NKAIN2: variants seen among roughly 807,000 people sequenced by gnomAD.
NKAIN2 encodes the protein sodium/potassium transporting ATPase interacting 2.
Under a neutral mutation model 32.6 loss-of-function variants are expected in NKAIN2, and 14 were observed. The observed-to-expected ratio is 0.43, with a 90% confidence interval of 0.28 to 0.67. The LOEUF is 0.67. Ranked by LOEUF, NKAIN2 falls within the 30% of genes least tolerant of loss-of-function variation. NKAIN2 has a pLI of 0.17. For missense variants in NKAIN2, 198 were observed against 258.3 expected (o/e 0.77, Z 1.60); for synonymous variants, 80 against 87.2 (o/e 0.92, Z 0.46).
At chr6:124,807,735 A>C (rs200297397) in intron 5 of NKAIN2, among the ~76,000 whole-genome samples, 10 of 151,886 alleles carry the variant, frequency 6.6e-5, no homozygotes, top group Non-Finnish European at 1.5e-4. Context: ...AAATTGATAG[A>C]CCGCTAGCAA....
intron 3 of NKAIN2, among the ~76,000 whole-genome samples, chr6:124,418,642 A>G (rs571046619): frequency 1.2e-4 from 18 of 149,808 alleles, no homozygotes; most frequent in African/African-American, 3.7e-4. Context: ...AACTAGAACT[A>G]TCACGTAGTG....
At chr6:124,435,584 C>T (rs962896777) in intron 3 of NKAIN2, among the ~76,000 whole-genome samples, 5 of 152,126 alleles carry the variant, frequency 3.3e-5, no homozygotes, top group African/African-American at 1.2e-4. Context: ...CACAGTCTCA[C>T]AGCTAGTAAG....
In NKAIN2 at chr6:124,496,703, G is replaced by T. The variant is rs140107456; in HGVS notation, c.273+141356G>T. Among the ~76,000 whole-genome samples the T allele has an allele frequency of 1.2e-3, 184 of 152,256 alleles. 3 individuals are homozygous for T. The highest frequency in any genetic ancestry group is 1.9e-3 in the Non-Finnish European group (132 of 68,004). On this transcript the variant is annotated intron_variant, in intron 3 of 6. Coordinates refer to ENST00000368417, the MANE Select transcript of NKAIN2 (RefSeq NM_001040214.3). ...CACATCACGGAGTTCAGAAACAAGA[G>T]ATACTGCTTGAGGAATACATAGCAT...
intron 1 of NKAIN2, among the ~76,000 whole-genome samples, chr6:124,133,407 T>C (rs996147352): frequency 6.6e-6 from 1 of 152,112 alleles, no homozygotes; most frequent in Non-Finnish European, 1.5e-5. Flanking sequence ...TAGCTCCCAC[T>C]CTTCACTCTG....
intron 1 of NKAIN2, among the ~76,000 whole-genome samples, chr6:123,812,692 G>A (rs1773526077): frequency 6.6e-6 from 1 of 152,216 alleles, no homozygotes; most frequent in Admixed American, 6.5e-5. Flanking sequence ...TCTCTAGGCA[G>A]GCTAGCTTTT....
intron 3 of NKAIN2, among the ~76,000 whole-genome samples, chr6:124,420,568 A>G (rs1299432332): frequency 4.6e-5 from 7 of 152,150 alleles, no homozygotes; most frequent in Admixed American, 1.3e-4. Flanking sequence ...TGTTAAAGGA[A>G]CCATATGTAG....
In NKAIN2 at chr6:124,647,543, AG is replaced by A. The variant is rs1242696254; in HGVS notation, c.274-10641del. On this transcript the variant is annotated intron_variant, in intron 3 of 6. Transcript: ENST00000368417. ...AAAGACTTCAAGCAAATATAGCCTA[AG>A]GATTAATGAAACTGGGTGGTGGGTA... 8.7e-5 allele frequency among the ~76,000 whole-genome samples: 13 copies of A among 149,014 alleles called. No individual in the cohort carries two copies. The East Asian group carries it at 2.6e-3, about 30-fold the overall frequency.
chr6:124,062,694 G>A (rs566276330), intron 1 of NKAIN2, among the ~76,000 whole-genome samples: 15 of 152,200 alleles, frequency 9.9e-5, no homozygotes, highest in African/African-American at 2.4e-4. Context: ...GGATACAGGC[G>A]TGAGCCACCA....
chr6:124,322,057 T>C (rs933820605), intron 2 of NKAIN2, among the ~76,000 whole-genome samples: 3 of 152,144 alleles, frequency 2.0e-5, no homozygotes, highest in Admixed American at 6.6e-5. Context: ...AATGATAAAA[T>C]AGTTTTGCAT....
intron 3 of NKAIN2, among the ~76,000 whole-genome samples, chr6:124,510,953 TAAAAC>T (rs888549610): frequency 6.6e-6 from 1 of 152,152 alleles, no homozygotes; most frequent in Admixed American, 6.6e-5. Flanking sequence ...TATTTGGTGA[TAAAAC>T]AATACATTCA....
At chr6:124,553,473 A>G (rs1262362202) in intron 3 of NKAIN2, among the ~76,000 whole-genome samples, 1 of 151,962 alleles carries the variant, frequency 6.6e-6, no homozygotes, top group African/African-American at 2.4e-5. Flanking sequence ...ACAGCCATGT[A>G]ATTTTGTACT....
chr6:124,190,592 T>G (rs529701019), intron 1 of NKAIN2, among the ~76,000 whole-genome samples: 2 of 152,336 alleles, frequency 1.3e-5, no homozygotes. Context: ...TAAATATCTT[T>G]AGTGGTGCAA....
intron 1 of NKAIN2, among the ~76,000 whole-genome samples, chr6:123,809,710 A>G (rs1228811023): frequency 1.3e-5 from 2 of 152,108 alleles, no homozygotes; most frequent in Non-Finnish European, 1.5e-5. Flanking sequence ...TGAAATAAGT[A>G]TTTTTCTTTT....
At chr6:124,391,675 A>G (rs575874521) in intron 3 of NKAIN2, among the ~76,000 whole-genome samples, 54 of 152,258 alleles carry the variant, frequency 3.5e-4, no homozygotes, top group Non-Finnish European at 4.4e-5. Context: ...GTTGTCTTCT[A>G]AGATTCAGAG....
chr6:123,951,098 T>A (rs1049885080), intron 1 of NKAIN2, among the ~76,000 whole-genome samples: 1 of 152,034 alleles, frequency 6.6e-6, no homozygotes, highest in East Asian at 1.9e-4. Context: ...GATTTCTAGT[T>A]TTATTTTATT....
At chr6:124,457,153 A>G (rs976435277) in intron 3 of NKAIN2, among the ~76,000 whole-genome samples, 1 of 151,868 alleles carries the variant, frequency 6.6e-6, no homozygotes, top group Non-Finnish European at 1.5e-5. Flanking sequence ...GAAAATAAGC[A>G]CCTAGATTCT....
At chr6:124,424,162 T>G (rs1356605845) in intron 3 of NKAIN2, among the ~76,000 whole-genome samples, 1 of 151,912 alleles carries the variant, frequency 6.6e-6, no homozygotes, top group Non-Finnish European at 1.5e-5. Flanking sequence ...CCCAGCTAAT[T>G]TTTTGTATTT....
chr6:124,445,354 TTATTA>T (rs1187711415), intron 3 of NKAIN2, among the ~76,000 whole-genome samples: 1 of 151,732 alleles, frequency 6.6e-6, no homozygotes, highest in Admixed American at 6.6e-5. Flanking sequence ...ATACTTTTTA[TTATTA>T]TATCACTTTA....
chr6:123,852,444 T>G (rs996742321), intron 1 of NKAIN2, among the ~76,000 whole-genome samples: 2 of 152,088 alleles, frequency 1.3e-5, no homozygotes, highest in African/African-American at 4.8e-5. Context: ...ACCTTCCCAG[T>G]CTCCCCAACC....
Sources: allele counts gnomAD v4.1 joint callset (sites outside exome capture counted in the v4.1 genomes callset), GRCh38; gene constraint gnomAD v4.1.1; transcripts MANE v1.5; gene names NCBI Gene and HGNC (gene_info 2026-07-23, HGNC 2026-07-21).